NHS: variants seen among roughly 807,000 people sequenced by gnomAD.
The protein encoded by NHS is actin remodeling regulator NHS.
NHS carries 5 observed loss-of-function variants against 72.5 expected under a neutral mutation model. That is an observed-to-expected ratio of 0.07 (90% confidence interval 0.04 to 0.14). NHS has a LOEUF of 0.14. Among genes scored for constraint, NHS ranks in the 10% least tolerant of loss-of-function variants. The probability of loss-of-function intolerance (pLI) is 1.00; values close to 1 mark genes in which losing one functional copy is unlikely to be tolerated. For synonymous variants in NHS, 464 were observed against 547.7 expected, an observed-to-expected ratio of 0.85 and a Z score of 2.13; for missense variants, 1,072 against 1,355.7, an observed-to-expected ratio of 0.79 and a Z score of 3.29.
chrX:17,729,007 G>T (rs1016387524), intron 8 of NHS, among the ~76,000 whole-genome samples: 2 of 112,437 alleles, frequency 1.8e-5, no homozygotes, highest in Admixed American at 9.4e-5. Flanking sequence ...AGAGACTTTT[G>T]TAAGAGTGGC....
At chrX:17,570,089 A>C (rs2065467440) in intron 1 of NHS, among the ~76,000 whole-genome samples, 1 of 111,709 alleles carries the variant, frequency 9.0e-6, no homozygotes, top group Admixed American at 9.5e-5. Flanking sequence ...GCATACTTTG[A>C]AGTCAGGTAG....
chrX:17,552,864 T>G (rs5909375), intron 1 of NHS, among the ~76,000 whole-genome samples: 34,561 of 112,090 alleles, frequency 0.31, 3,951 homozygotes, highest in East Asian at 0.72. Flanking sequence ...TGAGTCTGCA[T>G]TTTGGCACAG....
chrX:17,548,970 G>A (rs779801001), intron 1 of NHS, among the ~76,000 whole-genome samples: 115 of 107,458 alleles, frequency 1.1e-3, no homozygotes, highest in African/African-American at 3.8e-3. Flanking sequence ...TTTTAAGAAC[G>A]GGGTTGACAC....
At position 17,375,395 on chromosome X, in the gene NHS, A is replaced by T. The variant is rs2064340128; in HGVS notation, c.-363A>T. ...CAGACACACGCACGCCCATTTATAT[A>T]GGCGGCGGCGACGGCAGTGGCCGGG... On this transcript the variant is annotated 5_prime_UTR_variant, in exon 1 of 9. Transcript: ENST00000676302. 1.5e-5 allele frequency: 6 copies of T among 389,742 alleles called. No individual in the cohort carries two copies. Among genetic ancestry groups the T allele is most frequent in the Non-Finnish European group, 2.6e-5 (6 of 227,088 alleles). The allele number at this position is 389,742 out of a possible 1,213,427, so 32.1% of individuals were successfully genotyped here.
At chrX:17,571,436 G>T (rs772121584) in intron 1 of NHS, among the ~76,000 whole-genome samples, 7 of 112,457 alleles carry the variant, frequency 6.2e-5, no homozygotes, top group African/African-American at 2.3e-4. Flanking sequence ...ATTTCTTCCA[G>T]ATTTTCTAGT....
chrX:17,659,514 G>A (rs1489027884), intron 1 of NHS, among the ~76,000 whole-genome samples: 1 of 111,742 alleles, frequency 8.9e-6, no homozygotes, highest in Non-Finnish European at 1.9e-5. Context: ...GTTTATGGCA[G>A]GGCTGAAATC....
chrX:17,647,471 T>C, intron 1 of NHS, among the ~76,000 whole-genome samples: 1 of 111,722 alleles, frequency 9.0e-6, no homozygotes, highest in Admixed American at 9.5e-5. Flanking sequence ...ATTCTTTCCT[T>C]CCTTTTGAGA....
chrX:17,441,703 T>C (rs2064755329), intron 1 of NHS, among the ~76,000 whole-genome samples: 1 of 110,889 alleles, frequency 9.0e-6, no homozygotes, highest in African/African-American at 3.3e-5. Flanking sequence ...CATTTACCAA[T>C]AGGCAAGGGA....
intron 2 of NHS, among the ~76,000 whole-genome samples, chrX:17,691,306 C>T (rs745332282): frequency 4.5e-5 from 5 of 112,116 alleles, no homozygotes; most frequent in Non-Finnish European, 7.5e-5. Context: ...CCACTGTTTG[C>T]TTGCATAATG....
chrX:17,575,833 C>T (rs750598371), intron 1 of NHS, among the ~76,000 whole-genome samples: 6 of 111,644 alleles, frequency 5.4e-5, no homozygotes, highest in Non-Finnish European at 1.1e-4. Flanking sequence ...AGGGTTATGG[C>T]TGGGGCTCAG....
At chrX:17,457,835 A>C (rs985805812) in intron 1 of NHS, among the ~76,000 whole-genome samples, 1 of 111,686 alleles carries the variant, frequency 9.0e-6, no homozygotes, top group African/African-American at 3.3e-5. Context: ...TCCAGCACAG[A>C]ATGTATTCCA....
At chrX:17,696,291 A>C (rs2066229696) in intron 3 of NHS, among the ~76,000 whole-genome samples, 1 of 112,073 alleles carries the variant, frequency 8.9e-6, no homozygotes, top group Non-Finnish European at 1.9e-5. Context: ...CTGACTTGTT[A>C]AGTGTCAGAA....
chrX:17,577,976 C>A (rs184823419), intron 1 of NHS, among the ~76,000 whole-genome samples: 1 of 112,327 alleles, frequency 8.9e-6, no homozygotes, highest in East Asian at 2.8e-4. Context: ...GATATAACTT[C>A]CAGCTATTCA....
At chrX:17,445,733 T>A (rs1459460641) in intron 1 of NHS, among the ~76,000 whole-genome samples, 10 of 93,276 alleles carry the variant, frequency 1.1e-4, no homozygotes, top group African/African-American at 3.5e-4. Context: ...AGGTCTCGAC[T>A]TACTCACTGC....
chrX:17,509,993 A>C (rs1164272603), intron 1 of NHS, among the ~76,000 whole-genome samples: 1 of 112,428 alleles, frequency 8.9e-6, no homozygotes, highest in East Asian at 2.8e-4. Flanking sequence ...TTTTTTAATC[A>C]GTTCACTTTA....
chrX:17,615,604 C>A (rs1375305749), intron 1 of NHS, among the ~76,000 whole-genome samples: 1 of 110,348 alleles, frequency 9.1e-6, no homozygotes, highest in East Asian at 2.8e-4. Flanking sequence ...GCCCATCACT[C>A]CTCTCCTCCA....
intron 1 of NHS, among the ~76,000 whole-genome samples, chrX:17,386,963 C>T (rs181743012): frequency 4.1e-4 from 46 of 112,321 alleles, no homozygotes; most frequent in African/African-American, 1.4e-3. Flanking sequence ...GTGTCAGCTA[C>T]TGCTCACAGT....
At chrX:17,430,486 G>T (rs1253909395) in intron 1 of NHS, among the ~76,000 whole-genome samples, 2 of 92,522 alleles carry the variant, frequency 2.2e-5, no homozygotes, top group Non-Finnish European at 4.2e-5. Flanking sequence ...CATTTATAGC[G>T]TAAAATGTTT....
Position 17,727,341 on chromosome X carries a change from C to T in NHS, c.3235C>T (p.Leu1079Phe). 8.3e-7 allele frequency: 1 copy of T among 1,210,578 alleles called. No homozygotes were observed. Among genetic ancestry groups the T allele is most frequent in the Non-Finnish European group, 1.1e-6 (1 of 894,386 alleles). The change falls in exon 7 of 9, where the codon CTT becomes TTT. Residue 1079 changes from leucine (L) to phenylalanine (F), a missense_variant. By Grantham distance (22) the Leu-to-Phe change is conservative. Coordinates refer to ENST00000676302, the MANE Select transcript of NHS (RefSeq NM_001291867.2). ...KDGTISLSKD[L>F]ELPIIPPTHL... ...TGGAACTATATCACTGAGTAAAGAC[C>T]TTGAACTTCCAATTATACCTCCTAC... is the stretch of plus-strand genomic sequence containing the variant.
Sources: gnomAD v4.1 joint callset for allele counts (sites outside exome capture counted in the v4.1 genomes callset) on GRCh38, gnomAD v4.1.1 for gene constraint, MANE v1.5 for transcripts, NCBI Gene and HGNC (gene_info 2026-07-23, HGNC 2026-07-21) for gene names.